Variants in POC1B observed in about 807,000 individuals in gnomAD.
POC1B encodes the protein POC1 centriolar protein homolog B.
POC1B carries 44 observed loss-of-function variants against 60.6 expected under a neutral mutation model. That is an observed-to-expected ratio of 0.73 (90% CI 0.57 to 0.93). The LOEUF is 0.93. Among genes scored for constraint, POC1B ranks in the 40% least tolerant of loss-of-function variants. The probability of loss-of-function intolerance (pLI) is 0.00; values close to 1 mark genes in which losing one functional copy is unlikely to be tolerated. For missense variants in POC1B, 555 were observed against 572.3 expected, an observed-to-expected ratio of 0.97 and a Z score of 0.31; for synonymous variants, 180 against 198.9, an observed-to-expected ratio of 0.90 and a Z score of 0.80.
At chr12:89,455,955 C>T (rs775949548) in intron 10 of POC1B, among the ~76,000 whole-genome samples, 2 of 152,018 alleles carry the variant, frequency 1.3e-5, no homozygotes, top group Non-Finnish European at 2.9e-5. Context: ...AAAGTAATAA[C>T]CCTAGAGTCT....
chr12:89,477,675 C>A (rs1883174641), intron 4 of POC1B, among the ~76,000 whole-genome samples: 1 of 152,146 alleles, frequency 6.6e-6, no homozygotes, highest in Admixed American at 6.6e-5. Flanking sequence ...CCTTAAACCA[C>A]AATTGACCCT....
chr12:89,504,631 A>T (rs1190728818), intron 2 of POC1B, among the ~76,000 whole-genome samples: 5 of 152,140 alleles, frequency 3.3e-5, no homozygotes, highest in Non-Finnish European at 7.4e-5. Flanking sequence ...AAAAGACATT[A>T]ACGTTAATAA....
At chr12:89,509,319 C>G (rs1443187121) in intron 2 of POC1B, among the ~76,000 whole-genome samples, 1 of 152,188 alleles carries the variant, frequency 6.6e-6, no homozygotes, top group African/African-American at 2.4e-5. Context: ...CCTTTAAAAG[C>G]TGGCCTCTGT....
In POC1B at chr12:89,521,931, C is replaced by A; in HGVS notation, c.100+3189G>T. 3 of 398,680 alleles carry A rather than the reference C, an allele frequency of 7.5e-6. No homozygotes were observed. The South Asian group carries it at 3.9e-4, about 52-fold the overall frequency. The allele number at this position is 398,680 out of a possible 1,614,324, so 24.7% of individuals were successfully genotyped here. On this transcript the variant is annotated intron_variant, in intron 2 of 11. Coordinates refer to ENST00000313546, the MANE Select transcript of POC1B (RefSeq NM_172240.3). ...TAATAAACATAGTTGGGTTTAACTT[C>A]AGAGAGGCTTCAATTGTGTTTACTT...
intron 10 of POC1B, among the ~76,000 whole-genome samples, chr12:89,454,552 C>T (rs1278578234): frequency 6.6e-6 from 1 of 152,164 alleles, no homozygotes; most frequent in Non-Finnish European, 1.5e-5. Context: ...ATCTGGCCTT[C>T]CATCTATCAC....
chr12:89,419,017 T>C (rs1826895529), downstream of POC1B, among the ~76,000 whole-genome samples: 1 of 151,948 alleles, frequency 6.6e-6, no homozygotes, highest in Admixed American at 6.6e-5. Context: ...TCTGACAAAA[T>C]GTCCTGAAGG....
chr12:89,524,845 T>C (rs540193872), intron 2 of POC1B: 6 of 615,590 alleles, frequency 9.7e-6, no homozygotes, highest in African/African-American at 5.6e-5. Context: ...CCCCTCCCCT[T>C]CCCACTCACT....
chr12:89,427,849 T>G (rs1043054708), intron 10 of POC1B: 1 of 152,250 alleles, frequency 6.6e-6, no homozygotes, highest in African/African-American at 2.4e-5. Flanking sequence ...TCACAGATTC[T>G]GAAAGATCAA....
intron 10 of POC1B, among the ~76,000 whole-genome samples, chr12:89,433,499 T>G (rs1383820416): frequency 1.3e-5 from 2 of 152,170 alleles, no homozygotes; most frequent in Non-Finnish European, 2.9e-5. Flanking sequence ...TTAACCCAGG[T>G]TGGCATTTTT....
chr12:89,506,570 G>T (rs1254546065), intron 2 of POC1B, among the ~76,000 whole-genome samples: 4 of 152,176 alleles, frequency 2.6e-5, no homozygotes, highest in Non-Finnish European at 5.9e-5. Context: ...AGGAAGAGAA[G>T]GAGCATTCCA....
intron 4 of POC1B, among the ~76,000 whole-genome samples, chr12:89,483,172 G>T (rs1868444047): frequency 6.6e-6 from 1 of 152,150 alleles, no homozygotes; most frequent in Admixed American, 6.5e-5. Flanking sequence ...AAAGTGCTGG[G>T]ATTACAGGTG....
Position 89,467,644 on chromosome 12 carries a change from T to C in POC1B, c.852A>G (p.Leu284=), listed in dbSNP as rs773544422. Residue 284 remains leucine, a synonymous_variant, in exon 8 of 12, where the codon CTA becomes CTG. Coordinates refer to ENST00000313546, the MANE Select transcript of POC1B (RefSeq NM_172240.3). ...GTGTGTCTGCACCTCCTGATGCAAA[T>C]AGCTCTCCACCTTTTGAAAATGAAA... ...FTVSFSKGGE[L]FASGGADTQV... 8.7e-6 allele frequency: 14 copies of C among 1,612,338 alleles called. No individual in the cohort carries two copies. The highest frequency in any genetic ancestry group is 1.6e-4 in the Middle Eastern group (1 of 6,076).
chr12:89,432,055 C>T (rs1270606340), intron 10 of POC1B, among the ~76,000 whole-genome samples: 2 of 152,006 alleles, frequency 1.3e-5, no homozygotes, highest in Admixed American at 1.3e-4. Flanking sequence ...ATATGGGGCC[C>T]GGTCAGATAA....
intron 7 of POC1B, among the ~76,000 whole-genome samples, chr12:89,469,283 A>G (rs573503295): frequency 6.6e-6 from 1 of 152,308 alleles, no homozygotes; most frequent in South Asian, 2.1e-4. Flanking sequence ...TAATAAATTT[A>G]AAAAATTGAT....
chr12:89,437,285 C>T (rs1359974644), intron 10 of POC1B, among the ~76,000 whole-genome samples: 2 of 152,176 alleles, frequency 1.3e-5, no homozygotes, highest in East Asian at 3.9e-4. Context: ...AAATCCTTCA[C>T]TGGTCCCCCC....
intron 2 of POC1B, among the ~76,000 whole-genome samples, chr12:89,513,674 A>G (rs916827244): frequency 2.6e-5 from 4 of 152,130 alleles, no homozygotes; most frequent in African/African-American, 9.7e-5. Flanking sequence ...GAGGTCCCCA[A>G]CCCCCAGGCT....
chr12:89,480,467 C>G (rs1197198682), intron 4 of POC1B, among the ~76,000 whole-genome samples: 1 of 151,034 alleles, frequency 6.6e-6, no homozygotes, highest in Non-Finnish European at 1.5e-5. Context: ...TGCTGCCAGT[C>G]TGGAGTACGG....
chr12:89,466,639 T>G, intron 9 of POC1B, 131 bp downstream of exon 9: 1 of 840,284 alleles, frequency 1.2e-6, no homozygotes, highest in Middle Eastern at 3.1e-4. Flanking sequence ...TGAAAACAAC[T>G]GTTTATCAAA....
chr12:89,526,034 A>ACGGCGGCCCAGTCAAACC lies in POC1B; in HGVS notation c.-140_-139insGGTTTGACTGGGCCGCCG. On this transcript the variant is annotated 5_prime_UTR_variant, in exon 1 of 12. Coordinates refer to ENST00000313546, the MANE Select transcript of POC1B (RefSeq NM_172240.3). ...GCAGCGCCTCCCGGTCACTACAACAACGGCGGCCCAGTCAAACCCCGCGCT... is the reference window on the plus strand; with the variant it reads ...GCAGCGCCTCCCGGTCACTACAACAACGGCGGCCCAGTCAAACCCGGCGGCCCAGTCAAACCCCGCGCT... 2 of 1,531,748 alleles carry ACGGCGGCCCAGTCAAACC rather than the reference A, an allele frequency of 1.3e-6. No homozygotes were observed. Among genetic ancestry groups the ACGGCGGCCCAGTCAAACC allele is most frequent in the Non-Finnish European group, 1.7e-6 (2 of 1,143,468 alleles). 94.9% of individuals were successfully genotyped at this position (1,531,748 alleles called of 1,614,324 possible).
Sources: allele counts gnomAD v4.1 joint callset (sites outside exome capture counted in the v4.1 genomes callset), GRCh38; gene constraint gnomAD v4.1.1; transcripts MANE v1.5; gene names NCBI Gene and HGNC (gene_info 2026-07-23, HGNC 2026-07-21).